The following ACTR3C variants were observed in gnomAD, a reference collection of about 807,000 sequenced individuals.
ACTR3C encodes actin-related protein 3C.
ACTR3C carries 18 observed loss-of-function variants against 26.3 expected under a neutral mutation model. The ratio of observed to expected loss-of-function variants is 0.68; its 90% CI spans 0.47 to 1.01. ACTR3C has a LOEUF of 1.01. Among genes scored for constraint, ACTR3C ranks in the 50% least tolerant of loss-of-function variants. ACTR3C has a pLI of 0.00. For synonymous variants in ACTR3C, 55 were observed against 94.5 expected (o/e 0.58, Z 2.42); for missense variants, 184 against 250.7 (o/e 0.73, Z 1.80).
At chr7:150,173,856 A>C in the ACTR3C span, among the ~76,000 whole-genome samples, 2 of 148,512 alleles carry the variant, frequency 1.3e-5, no homozygotes, top group Non-Finnish European at 2.9e-5. Context: ...GGGCAGGGGC[A>C]AAATGCCACC....
the ACTR3C span, among the ~76,000 whole-genome samples, chr7:150,034,860 G>T: frequency 3.3e-5 from 5 of 149,554 alleles, 1 homozygote; most frequent in South Asian, 2.1e-4. Flanking sequence ...GAGCCAGTGG[G>T]GGAACAGGGG....
At chr7:150,008,181 G>A in the ACTR3C span, among the ~76,000 whole-genome samples, 1 of 152,224 alleles carries the variant, frequency 6.6e-6, no homozygotes. Flanking sequence ...AAGTTATGCT[G>A]TCATGAGTCA....
the ACTR3C span, among the ~76,000 whole-genome samples, chr7:150,182,054 G>A: frequency 6.6e-6 from 1 of 150,562 alleles, no homozygotes; most frequent in Non-Finnish European, 1.5e-5. Flanking sequence ...AGAGACTGGG[G>A]TTTGTGGCAG....
At chr7:150,037,846 T>G in the ACTR3C span, among the ~76,000 whole-genome samples, 6 of 77,840 alleles carry the variant, frequency 7.7e-5, no homozygotes, top group Non-Finnish European at 1.3e-4. Context: ...TCGCGGAGGG[T>G]GCCTCCGCCC....
At chr7:150,043,032 G>A in the ACTR3C span, among the ~76,000 whole-genome samples, 1 of 151,588 alleles carries the variant, frequency 6.6e-6, no homozygotes, top group Admixed American at 6.6e-5. Context: ...GCAAAGTTTG[G>A]GATCCACAGT....
the ACTR3C span, among the ~76,000 whole-genome samples, chr7:149,920,177 A>G: frequency 1.3e-5 from 2 of 152,030 alleles, no homozygotes; most frequent in East Asian, 3.8e-4. Context: ...CTGCAAGTAG[A>G]TTTTTCAGTG....
chr7:150,103,520 C>T, the ACTR3C span, among the ~76,000 whole-genome samples: 1 of 151,704 alleles, frequency 6.6e-6, no homozygotes, highest in Admixed American at 6.6e-5. Flanking sequence ...CTTGGAGGAC[C>T]ACGCCATGAT....
At chr7:149,990,484 T>C in the ACTR3C span, among the ~76,000 whole-genome samples, 2 of 120,746 alleles carry the variant, frequency 1.7e-5, no homozygotes, top group Non-Finnish European at 3.4e-5. Context: ...CCACACTCCA[T>C]GTCTACCATC....
At chr7:150,040,847 G>A in the ACTR3C span, among the ~76,000 whole-genome samples, 1 of 148,364 alleles carries the variant, frequency 6.7e-6, no homozygotes, top group East Asian at 2.0e-4. Flanking sequence ...GCCAGAGGGG[G>A]AAGAGGGGCT....
the ACTR3C span, among the ~76,000 whole-genome samples, chr7:150,125,984 G>C: frequency 1.3e-5 from 2 of 152,194 alleles, no homozygotes; most frequent in Non-Finnish European, 2.9e-5. Flanking sequence ...CTCTCTGGCT[G>C]AACTGGGCAC....
At position 150,274,152 on chromosome 7, in the gene ACTR3C, T is replaced by TG. The variant is rs1834664892; in HGVS notation, c.564+10600dup. Among the ~76,000 whole-genome samples, 1 of 151,996 alleles carries TG rather than the reference T, an allele frequency of 6.6e-6. No homozygotes were observed. Among genetic ancestry groups the TG allele is most frequent in the African/African-American group, 2.4e-5 (1 of 41,312 alleles). ...TAAAGCAAGGCTGGGCAAAATGACGTGGGAAAAAGCGCCGAGGTGCAGTCT... is the reference window on the plus strand; with the variant it reads ...TAAAGCAAGGCTGGGCAAAATGACGTGGGGAAAAAGCGCCGAGGTGCAGTCT... On this transcript the variant is annotated intron_variant, in intron 6 of 7. Coordinates refer to ENST00000683684, the MANE Select transcript of ACTR3C (RefSeq NM_001164458.2). The surrounding 1 kb of genome is among the most constrained non-coding windows in gnomAD (Gnocchi z 4.1).
the ACTR3C span, among the ~76,000 whole-genome samples, chr7:150,200,746 C>G: frequency 6.6e-6 from 1 of 152,100 alleles, no homozygotes; most frequent in Non-Finnish European, 1.5e-5. Flanking sequence ...TGATCTTAGG[C>G]AAGTTACTTA....
the ACTR3C span, among the ~76,000 whole-genome samples, chr7:149,903,456 G>T: frequency 6.6e-6 from 1 of 150,460 alleles, no homozygotes; most frequent in Non-Finnish European, 1.5e-5. Context: ...TTAGAAAATA[G>T]AATTTTTTAA....
At chr7:150,098,024 A>C in the ACTR3C span, among the ~76,000 whole-genome samples, 1 of 151,444 alleles carries the variant, frequency 6.6e-6, no homozygotes, top group African/African-American at 2.4e-5. Flanking sequence ...ACATGGTCCC[A>C]CCAAGTGATG....
chr7:150,288,637 G>A (rs539645946), intron 4 of ACTR3C, among the ~76,000 whole-genome samples: 1 of 149,112 alleles, frequency 6.7e-6, no homozygotes, highest in African/African-American at 2.5e-5. Context: ...GAAAGGCAAA[G>A]AAAGGAGAAG....
the ACTR3C span, among the ~76,000 whole-genome samples, chr7:149,939,200 G>A: frequency 6.6e-6 from 1 of 151,952 alleles, no homozygotes; most frequent in Admixed American, 6.6e-5. Flanking sequence ...GGCTGGTCTC[G>A]AACTCCCGAC....
At chr7:149,952,900 TC>T in the ACTR3C span, among the ~76,000 whole-genome samples, 3 of 151,964 alleles carry the variant, frequency 2.0e-5, no homozygotes, top group Admixed American at 2.0e-4. Flanking sequence ...AAGATAATTC[TC>T]CAACACACCT....
At chr7:150,155,239 G>A in the ACTR3C span, among the ~76,000 whole-genome samples, 6 of 150,906 alleles carry the variant, frequency 4.0e-5, no homozygotes, top group African/African-American at 1.2e-4. Context: ...GCATTTGGGC[G>A]GTAAAAACAC....
chr7:150,198,055 G>C, the ACTR3C span, among the ~76,000 whole-genome samples: 5 of 151,208 alleles, frequency 3.3e-5, no homozygotes, highest in East Asian at 7.7e-4. Context: ...TGTGTTGGCC[G>C]GGCCGGTCTC....
Sources: allele counts gnomAD v4.1 joint callset (sites outside exome capture counted in the v4.1 genomes callset), GRCh38; gene constraint gnomAD v4.1.1; non-coding constraint Gnocchi (gnomAD v3.1); transcripts MANE v1.5; gene names NCBI Gene and HGNC (gene_info 2026-07-23, HGNC 2026-07-21).